Variants in VPS53 observed in about 807,000 individuals in gnomAD.
VPS53 encodes the protein vacuolar protein sorting-associated protein 53 homolog.
A neutral mutation model predicts 107.0 loss-of-function variants in VPS53; 70 were observed. The observed-to-expected ratio is 0.65, with a 90% confidence interval of 0.54 to 0.80. The LOEUF (loss-of-function observed/expected upper bound fraction) is 0.80, where lower values mean the gene tolerates loss of function less well. Among genes scored for constraint, VPS53 ranks in the 30% least tolerant of loss-of-function variants. The pLI, the probability that VPS53 is intolerant of heterozygous loss-of-function variation, is 0.00. For missense variants in VPS53, 917 were observed against 1,049.4 expected, an observed-to-expected ratio of 0.87 and a Z score of 1.74; for synonymous variants, 409 against 393.3, an observed-to-expected ratio of 1.04 and a Z score of -0.47.
Position 560,541 on chromosome 17 carries a change from C to T in VPS53, c.1589G>A (p.Ser530Asn), listed in dbSNP as rs1407585623. Residue 530 changes from serine (S) to asparagine (N), a missense_variant, in exon 15 of 22, where the codon AGC (serine) becomes AAC (asparagine). Transcript: ENST00000437048. The stretch of plus-strand genomic sequence containing the variant: ...GCCCTCCTTTTCCTTGAGGAGGCTG[C>T]TGATAGTCAGTCCTCCACTGCTGGT... Reference protein sequence around the residue: ...TTTSSGGLTISSLLKEKEGSE... With the variant: ...TTTSSGGLTINSLLKEKEGSE... 6.2e-7 allele frequency: 1 copy of T among 1,614,046 alleles called. No individual in the cohort carries two copies. The highest frequency in any genetic ancestry group is 1.1e-5 in the South Asian group (1 of 91,064).
chr17:656,238 T>G (rs543924181), intron 5 of VPS53, among the ~76,000 whole-genome samples: 19 of 152,318 alleles, frequency 1.2e-4, no homozygotes, highest in African/African-American at 4.6e-4. Flanking sequence ...CAATTCAGTA[T>G]TGAGCACACA....
intron 19 of VPS53, among the ~76,000 whole-genome samples, chr17:528,653 C>T (rs1476582641): frequency 7.2e-6 from 1 of 139,102 alleles, no homozygotes. Context: ...CCTGAAGGTA[C>T]AGTGGCGCAA....
At chr17:574,027 G>A (rs1914403408) in intron 13 of VPS53, among the ~76,000 whole-genome samples, 1 of 152,144 alleles carries the variant, frequency 6.6e-6, no homozygotes, top group Non-Finnish European at 1.5e-5. Flanking sequence ...GCTTTCCATT[G>A]GGTTCTTAAA....
chr17:654,126 C>T (rs777927738), intron 6 of VPS53, among the ~76,000 whole-genome samples: 3 of 152,090 alleles, frequency 2.0e-5, no homozygotes, highest in Non-Finnish European at 4.4e-5. Context: ...ACCTGGGAGG[C>T]GGAGGTTTCA....
At chr17:686,234 C>T (rs1331011668) in intron 4 of VPS53, among the ~76,000 whole-genome samples, 1 of 151,946 alleles carries the variant, frequency 6.6e-6, no homozygotes, top group Non-Finnish European at 1.5e-5. Flanking sequence ...GTGGAAGGAT[C>T]ACGTGAGCCC....
intron 2 of VPS53, 136 bp downstream of exon 2, chr17:710,397 A>G: frequency 1.5e-6 from 1 of 661,966 alleles, no homozygotes; most frequent in South Asian, 1.9e-5. Context: ...CCAGCTGGTG[A>G]TGATGGAGTT....
intron 11 of VPS53, among the ~76,000 whole-genome samples, chr17:610,753 T>TAAAAAAAA (rs34089454): frequency 3.1e-5 from 4 of 128,882 alleles, no homozygotes; most frequent in Non-Finnish European, 4.9e-5. Flanking sequence ...CCGCCTCTAC[T>TAAAAAAAA]AAAAAAAAAA....
intron 12 of VPS53, among the ~76,000 whole-genome samples, chr17:594,156 T>A (rs1189690220): frequency 6.6e-6 from 1 of 151,630 alleles, no homozygotes; most frequent in African/African-American, 2.4e-5. Flanking sequence ...CTGGGGACTG[T>A]TGTGGGGTGG....
chr17:611,234 G>C (rs1443667675), intron 11 of VPS53, among the ~76,000 whole-genome samples: 1 of 152,092 alleles, frequency 6.6e-6, no homozygotes, highest in Non-Finnish European at 1.5e-5. Flanking sequence ...GGCTGGTCTT[G>C]AACTCCTGAC....
chr17:565,235 T>G (rs1913379528), intron 13 of VPS53, among the ~76,000 whole-genome samples: 1 of 151,116 alleles, frequency 6.6e-6, no homozygotes, highest in South Asian at 2.1e-4. Context: ...AACCCCGTCT[T>G]CACTAAAAAC....
intron 17 of VPS53, among the ~76,000 whole-genome samples, chr17:549,567 C>T (rs1024587360): frequency 2.8e-5 from 4 of 142,644 alleles, no homozygotes; most frequent in African/African-American, 1.1e-4. Flanking sequence ...AAACCCCTTC[C>T]AACCGTGATT....
intron 15 of VPS53, among the ~76,000 whole-genome samples, chr17:559,150 A>G (rs1013272408): frequency 2.0e-5 from 3 of 152,206 alleles, no homozygotes; most frequent in African/African-American, 7.2e-5. Flanking sequence ...TATGTATGAC[A>G]CTAACAATAA....
Position 708,129 on chromosome 17 carries a change from G to A in VPS53, c.168+2404C>T, listed in dbSNP as rs138083758. 1.4e-3 allele frequency among the ~76,000 whole-genome samples: 220 copies of A among 152,278 alleles called. 1 individual carries two copies. The highest frequency in any genetic ancestry group is 2.9e-3 in the Admixed American group (45 of 15,284). ...GAGACGAGAGATTGTAGAAAGACAC[G>A]AAACTAAGAAGTAGTAGGAAAGACA... On this transcript the variant is annotated intron_variant, in intron 2 of 21. Transcript: ENST00000437048.
rs528631359 is a variant in VPS53 at position 603,956 on chromosome 17, G to C, written c.1117-2060C>G. Among the ~76,000 whole-genome samples the C allele has an allele frequency of 7.2e-5, 11 of 152,276 alleles. No homozygotes were observed. In the East Asian group the frequency reaches 1.7e-3, roughly 24 times the overall value. ...CAGTGGGCTCTGGGATTATGCTGTT[G>C]AGCTGAGTCACTATGATTCTAAGTC... On this transcript the variant is annotated intron_variant, in intron 11 of 21. Transcript: ENST00000437048.
rs144169357 is a variant in VPS53, at chr17:566,886, G to A, written c.1314-4141C>T. ...AGCTTCCTGAGTAGCTGGGACTACC[G>A]GCACACACCACCACAACCGGCTAAT... On this transcript the variant is annotated intron_variant, in intron 13 of 21. Coordinates refer to ENST00000437048, the MANE Select transcript of VPS53 (RefSeq NM_001128159.3). 9.5e-3 allele frequency among the ~76,000 whole-genome samples: 1,441 copies of A among 152,012 alleles called. 27 individuals are homozygous for A. The highest frequency in any genetic ancestry group is 0.033 in the African/African-American group (1,377 of 41,430).
intron 4 of VPS53, among the ~76,000 whole-genome samples, chr17:664,669 C>T (rs759926669): frequency 2.0e-5 from 3 of 152,140 alleles, no homozygotes; most frequent in Non-Finnish European, 4.4e-5. Context: ...GGCAAAGGGG[C>T]TGTGCAGGGG....
chr17:623,702 TCAAA>T, intron 10 of VPS53, 28 bp from the exon 11 acceptor site: 1 of 1,587,532 alleles, frequency 6.3e-7, no homozygotes, highest in Non-Finnish European at 8.6e-7. Flanking sequence ...AAGAATACTA[TCAAA>T]CAAGCTGATC....
At chr17:587,455 A>G (rs1269614976) in intron 12 of VPS53, among the ~76,000 whole-genome samples, 2 of 152,196 alleles carry the variant, frequency 1.3e-5, no homozygotes, top group African/African-American at 4.8e-5. Flanking sequence ...GTAACCTTAC[A>G]TCAGATAGAT....
At chr17:695,612 C>T (rs1405956232) in intron 4 of VPS53, among the ~76,000 whole-genome samples, 2 of 151,908 alleles carry the variant, frequency 1.3e-5, no homozygotes, top group East Asian at 1.9e-4. Flanking sequence ...TGCAGTGGCG[C>T]GATGATGGCT....
Sources: allele counts gnomAD v4.1 joint callset (sites outside exome capture counted in the v4.1 genomes callset), GRCh38; gene constraint gnomAD v4.1.1; transcripts MANE v1.5; gene names NCBI Gene and HGNC (gene_info 2026-07-23, HGNC 2026-07-21).